Variants in MEGF11 observed in about 807,000 individuals in gnomAD.
MEGF11 encodes multiple epidermal growth factor-like domains protein 11.
MEGF11 carries 126 observed loss-of-function variants against 146.6 expected under a neutral mutation model. That is an observed-to-expected ratio of 0.86 (90% CI 0.74 to 1.00). The LOEUF is 1.00. Among genes scored for constraint, MEGF11 ranks in the 50% least tolerant of loss-of-function variants. The pLI, the probability that MEGF11 is intolerant of heterozygous loss-of-function variation, is 0.00. For synonymous variants in MEGF11, 532 were observed against 583.4 expected, an observed-to-expected ratio of 0.91 and a Z score of 1.27; for missense variants, 1,509 against 1,521.2, an observed-to-expected ratio of 0.99 and a Z score of 0.13.
Position 65,912,395 on chromosome 15 carries a change from G to A in MEGF11, c.2711-195C>T, listed in dbSNP as rs532205777. 10 of 373,608 alleles carry A rather than the reference G, an allele frequency of 2.7e-5. No individual in the cohort carries two copies. In the South Asian group the frequency reaches 8.8e-4, roughly 33 times the overall value. The allele number at this position is 373,608 out of a possible 1,614,324, so 23.1% of individuals were successfully genotyped here. ...GAGCCTGATTTGCTCCTTCCCTTAC[G>A]CTGGTCCTCCCTGCAGCATGCAGAA... On this transcript the variant is annotated intron_variant, in intron 20 of 25. Transcript: ENST00000395614.
intron 1 of MEGF11, among the ~76,000 whole-genome samples, chr15:66,251,878 G>T (rs1212597783): frequency 6.6e-6 from 1 of 152,218 alleles, no homozygotes; most frequent in Non-Finnish European, 1.5e-5. Flanking sequence ...TGTGAGCAAC[G>T]GAGAGAGCTG....
chr15:66,114,481 A>G (rs2087616007), intron 4 of MEGF11, among the ~76,000 whole-genome samples: 1 of 152,238 alleles, frequency 6.6e-6, no homozygotes. Context: ...TCAGTCCTGT[A>G]TCATCTGGTT....
chr15:66,225,018 A>G lies in MEGF11; in HGVS notation c.-9+28587T>C, dbSNP rs568638504. ...GGGTCTTGCTGGAGAATACAGGCAC[A>G]GGAAAGAACACGGCGTGTGTGGTCT... is the stretch of plus-strand genomic sequence containing the variant. On this transcript the variant is annotated intron_variant, in intron 1 of 25. Coordinates refer to ENST00000395614, the MANE Select transcript of MEGF11 (RefSeq NM_001385028.1). Among the ~76,000 whole-genome samples, 58 of 152,334 alleles carry G rather than the reference A, an allele frequency of 3.8e-4. 1 individual carries two copies. In the South Asian group the frequency reaches 7.5e-3, roughly 20 times the overall value.
intron 5 of MEGF11, among the ~76,000 whole-genome samples, chr15:66,037,672 A>G (rs886762643): frequency 1.3e-5 from 2 of 152,246 alleles, no homozygotes; most frequent in Non-Finnish European, 2.9e-5. Flanking sequence ...CTCTTCCATC[A>G]GAACAGGTCT....
chr15:66,160,664 G>GACACACACAC (rs3221608), intron 1 of MEGF11, among the ~76,000 whole-genome samples: 188 of 137,604 alleles, frequency 1.4e-3, no homozygotes, highest in East Asian at 4.2e-3. Context: ...GCCCTAAGGG[G>GACACACACAC]ACACACACAC....
At chr15:66,019,197 A>G (rs1354543228) in intron 5 of MEGF11, among the ~76,000 whole-genome samples, 1 of 151,998 alleles carries the variant, frequency 6.6e-6, no homozygotes, top group East Asian at 1.9e-4. Flanking sequence ...TGACCTCCTG[A>G]CCCTTCCCTT....
intron 4 of MEGF11, among the ~76,000 whole-genome samples, chr15:66,101,274 G>A (rs141710471): frequency 7.2e-5 from 11 of 152,090 alleles, no homozygotes; most frequent in Admixed American, 3.3e-4. Flanking sequence ...CTGCCGCTCC[G>A]GACGGCTGCC....
At position 66,049,029 on chromosome 15, in the gene MEGF11, G is replaced by A. The variant is rs182745153; in HGVS notation, c.394+45373C>T. On this transcript the variant is annotated intron_variant, in intron 5 of 25. Transcript: ENST00000395614. ...TCCTATAATGAGAGGAAGGGCTGCA[G>A]AAGAGAGCTGGGGCCAGAGTGGGCA... Among the ~76,000 whole-genome samples the A allele has an allele frequency of 3.4e-3, 514 of 152,328 alleles. 5 individuals are homozygous for A. Among genetic ancestry groups the A allele is most frequent in the Non-Finnish European group, 5.1e-3 (345 of 68,038 alleles).
At chr15:66,109,546 A>G (rs1407322403) in intron 4 of MEGF11, among the ~76,000 whole-genome samples, 1 of 152,148 alleles carries the variant, frequency 6.6e-6, no homozygotes, top group Non-Finnish European at 1.5e-5. Flanking sequence ...TAGTTACCCA[A>G]TGGGACTCTG....
chr15:65,950,323 G>T (rs1029535820), intron 10 of MEGF11, among the ~76,000 whole-genome samples: 1 of 152,126 alleles, frequency 6.6e-6, no homozygotes, highest in African/African-American at 2.4e-5. Context: ...AGTGGCTCAC[G>T]CCTGGAAATC....
chr15:66,146,822 C>G (rs1008408347), intron 1 of MEGF11, among the ~76,000 whole-genome samples: 3 of 152,250 alleles, frequency 2.0e-5, no homozygotes. Context: ...CCTGCATTGT[C>G]TGCATTGTTG....
At chr15:66,041,554 T>C (rs1688616083) in intron 5 of MEGF11, among the ~76,000 whole-genome samples, 1 of 152,246 alleles carries the variant, frequency 6.6e-6, no homozygotes, top group African/African-American at 2.4e-5. Flanking sequence ...GGCCTCTGGG[T>C]CAAACCCTGC....
Position 66,237,634 on chromosome 15 carries a change from C to T in MEGF11, c.-9+15971G>A, listed in dbSNP as rs78568574. On this transcript the variant is annotated intron_variant, in intron 1 of 25. Transcript: ENST00000395614. ...AGTGGAATAACAACAGGACCTCCTTCCTGGAGTAGTTTGGGAGAATTGAAT... is the reference window on the plus strand; with the variant it reads ...AGTGGAATAACAACAGGACCTCCTTTCTGGAGTAGTTTGGGAGAATTGAAT... 3.3e-3 allele frequency among the ~76,000 whole-genome samples: 499 copies of T among 152,302 alleles called. 4 individuals carry two copies. The highest frequency in any genetic ancestry group is 0.011 in the African/African-American group (467 of 41,556).
At chr15:66,011,379 T>C (rs1241025539) in intron 5 of MEGF11, among the ~76,000 whole-genome samples, 1 of 152,128 alleles carries the variant, frequency 6.6e-6, no homozygotes, top group African/African-American at 2.4e-5. Flanking sequence ...CTTCCTCCCT[T>C]CAGACCTCAG....
intron 5 of MEGF11, among the ~76,000 whole-genome samples, chr15:66,033,078 C>CAAAAAAAAAAAAAAAAA (rs60932678): frequency 3.7e-5 from 3 of 80,612 alleles, no homozygotes; most frequent in African/African-American, 1.6e-4. Context: ...GAGACTCCAT[C>CAAAAAAAAAAAAAAAAA]AAAAAAAAAA....
chr15:66,155,334 G>T (rs2089718516), intron 1 of MEGF11, among the ~76,000 whole-genome samples: 1 of 152,216 alleles, frequency 6.6e-6, no homozygotes, highest in Admixed American at 6.5e-5. Flanking sequence ...TTGCCTCAGA[G>T]TGAGGGCGGG....
intron 3 of MEGF11, among the ~76,000 whole-genome samples, chr15:66,121,760 T>A (rs2088035557): frequency 6.6e-6 from 1 of 152,178 alleles, no homozygotes; most frequent in African/African-American, 2.4e-5. Context: ...CACTGATTTA[T>A]CCTTATGGAG....
At position 65,916,890 on chromosome 15, in the gene MEGF11, C is replaced by G; in HGVS notation, c.2153G>C (p.Cys718Ser). 1 of 1,584,262 alleles carries G rather than the reference C, an allele frequency of 6.3e-7. No individual in the cohort carries two copies. The highest frequency in any genetic ancestry group is 2.3e-5 in the East Asian group (1 of 43,496). ...GTGGCAGGCCCCGTCCTCGGCGCTGCAGCTCGCCCCGTTGTGGCAGCTGCA... is the reference window on the plus strand; with the variant it reads ...GTGGCAGGCCCCGTCCTCGGCGCTGGAGCTCGCCCCGTTGTGGCAGCTGCA... ...HACSCHNGAS[C>S]SAEDGACHCT... is the part of the protein sequence containing the mutation. Residue 718 changes from cysteine (C) to serine (S), a missense_variant, in exon 17 of 26, where the codon TGC (cysteine) becomes TCC (serine). Coordinates refer to ENST00000395614, the MANE Select transcript of MEGF11 (RefSeq NM_001385028.1).
chr15:65,963,819 G>C (rs1032793577), intron 9 of MEGF11, among the ~76,000 whole-genome samples: 1 of 152,186 alleles, frequency 6.6e-6, no homozygotes, highest in African/African-American at 2.4e-5. Flanking sequence ...AGTTTAACTC[G>C]TTAACACTTG....
Sources: allele counts gnomAD v4.1 joint callset (sites outside exome capture counted in the v4.1 genomes callset), GRCh38; gene constraint gnomAD v4.1.1; transcripts MANE v1.5; gene names NCBI Gene and HGNC (gene_info 2026-07-23, HGNC 2026-07-21).